FREM1: variants seen among roughly 807,000 people sequenced by gnomAD.
The protein encoded by FREM1 is FRAS1 related extracellular matrix 1.
Under a neutral mutation model 210.1 loss-of-function variants are expected in FREM1, and 220 were observed. The observed-to-expected ratio is 1.05, with a 90% CI of 0.94 to 1.17. The LOEUF (loss-of-function observed/expected upper bound fraction) is 1.17, where lower values mean the gene tolerates loss of function less well. Among genes scored for constraint, FREM1 ranks in the 50% most tolerant of loss-of-function variants. The pLI is 0.00. For missense variants in FREM1, 3,454 were observed against 2,675.5 expected (o/e 1.29, Z -6.42); for synonymous variants, 1,189 against 980.2 (o/e 1.21, Z -3.98).
chr9:14,757,621 A>G (rs1362379176), intron 28 of FREM1, among the ~76,000 whole-genome samples: 2 of 152,204 alleles, frequency 1.3e-5, no homozygotes, highest in Non-Finnish European at 2.9e-5. Flanking sequence ...ACCGTGTGCA[A>G]GCATTTCTGT....
At chr9:14,885,157 C>T (rs1564168920) in intron 1 of FREM1, among the ~76,000 whole-genome samples, 1 of 151,952 alleles carries the variant, frequency 6.6e-6, no homozygotes, top group East Asian at 1.9e-4. Flanking sequence ...ATCTCCTGAG[C>T]TCGTGATCCA....
At chr9:14,839,685 ATACTTGTGT>A (rs1013332177) in intron 10 of FREM1, among the ~76,000 whole-genome samples, 1 of 152,232 alleles carries the variant, frequency 6.6e-6, no homozygotes, top group Non-Finnish European at 1.5e-5. Flanking sequence ...TCTGACATCT[ATACTTGTGT>A]ATATGAAGAG....
At chr9:14,860,612 CACACATATATAT>C (rs956020164) in intron 3 of FREM1, among the ~76,000 whole-genome samples, 7 of 105,836 alleles carry the variant, frequency 6.6e-5, no homozygotes, top group Non-Finnish European at 1.3e-4. Flanking sequence ...CACATATATA[CACACATATATAT>C]ACACATATAT....
At chr9:14,889,171 T>A (rs1047609172) in intron 1 of FREM1, among the ~76,000 whole-genome samples, 1 of 152,224 alleles carries the variant, frequency 6.6e-6, no homozygotes, top group Non-Finnish European at 1.5e-5. Flanking sequence ...CTCTAGTTTA[T>A]GTCTTTTGAT....
intron 28 of FREM1, among the ~76,000 whole-genome samples, chr9:14,759,441 T>G (rs1845041329): frequency 1.3e-5 from 2 of 149,912 alleles, no homozygotes; most frequent in African/African-American, 2.5e-5. Context: ...ATCTGGGAGG[T>G]GGAGGTTGCT....
chr9:14,801,685 C>T lies in FREM1; in HGVS notation c.3661G>A (p.Val1221Ile), dbSNP rs370147643. ...AGGAGTTCCATGGAAAAGCTGTGAA[C>T]AGGTGCATGTTTCTGGTGAGGGTTG... ...PANPHQKHAP[V>I]HSFSMELLKT... Residue 1221 changes from valine to isoleucine, a missense_variant, in exon 20 of 37, where the codon GTT becomes ATT. By Grantham distance (29) the Val-to-Ile change is conservative. Coordinates refer to ENST00000380880, the MANE Select transcript of FREM1 (RefSeq NM_001379081.2). The T allele has an allele frequency of 3.1e-6, 5 of 1,613,778 alleles. No individual in the cohort carries two copies. The highest frequency in any genetic ancestry group is 4.2e-6 in the Non-Finnish European group (5 of 1,179,700).
rs1244721535 is a variant in FREM1, at chr9:14,828,640, G to GC, written c.1882-3649_1882-3648insG. ...TGGGAGAAGAACATAAATTGTGGCG[G>GC]GGCGGGGGAGGTGCCGGGGTAGAAT... On this transcript the variant is annotated intron_variant, in intron 10 of 36. Transcript: ENST00000380880. 2.3e-4 allele frequency among the ~76,000 whole-genome samples: 29 copies of GC among 127,328 alleles called. 1 individual carries two copies. The highest frequency in any genetic ancestry group is 7.6e-4 in the African/African-American group (28 of 36,880). The allele number at this position is 127,328 out of a possible 152,430, so 83.5% of individuals were successfully genotyped here.
chr9:14,801,258 A>G (rs1293346585), intron 20 of FREM1, among the ~76,000 whole-genome samples: 3 of 152,160 alleles, frequency 2.0e-5, no homozygotes, highest in East Asian at 1.9e-4. Context: ...TTCGTCTCCC[A>G]AAGTTTTGGG....
chr9:14,867,300 C>T (rs1414038737), intron 2 of FREM1, among the ~76,000 whole-genome samples: 1 of 152,110 alleles, frequency 6.6e-6, no homozygotes, highest in Non-Finnish European at 1.5e-5. Context: ...TTCCCTGACT[C>T]GTAAGTGCCA....
intron 25 of FREM1, among the ~76,000 whole-genome samples, chr9:14,772,843 G>T (rs779664819): frequency 1.3e-5 from 2 of 152,168 alleles, no homozygotes; most frequent in East Asian, 1.9e-4. Flanking sequence ...GATACTAAAT[G>T]AATAGTTGAA....
rs763212598 is a variant in FREM1, at chr9:14,812,950, C to G, written c.2755G>C (p.Val919Leu). The G allele has an allele frequency of 6.2e-7, 1 of 1,613,848 alleles. No individual in the cohort carries two copies. The highest frequency in any genetic ancestry group is 1.3e-5 in the African/African-American group (1 of 74,914). Residue 919 changes from valine (V) to leucine (L), a missense_variant, in exon 16 of 37, where the codon GTG (valine) becomes CTG (leucine). Physicochemically the swap from Val to Leu is conservative, Grantham distance 32. Coordinates refer to ENST00000380880, the MANE Select transcript of FREM1 (RefSeq NM_001379081.2). ...ITSEYIFATD[V>L]DSDNLKLMFV... Reference sequence around the variant, plus strand: ...ATCAACTTCAAGTTATCGCTGTCCACATCAGTAGCAAAAATGTATTCAGAG... The same window carrying G: ...ATCAACTTCAAGTTATCGCTGTCCAGATCAGTAGCAAAAATGTATTCAGAG...
intron 25 of FREM1, among the ~76,000 whole-genome samples, chr9:14,772,158 A>G (rs1051185510): frequency 1.3e-5 from 2 of 152,156 alleles, no homozygotes; most frequent in African/African-American, 4.8e-5. Context: ...GTGAAGAAAC[A>G]GATATTTTTA....
At chr9:14,786,663 T>C (rs1304589071) in intron 23 of FREM1, among the ~76,000 whole-genome samples, 1 of 152,184 alleles carries the variant, frequency 6.6e-6, no homozygotes, top group African/African-American at 2.4e-5. Context: ...TAAAGAATCC[T>C]CCATCCCAAA....
At chr9:14,860,551 A>ATGTG (rs1829638238) in intron 3 of FREM1, among the ~76,000 whole-genome samples, 3 of 120,110 alleles carry the variant, frequency 2.5e-5, no homozygotes, top group African/African-American at 1.1e-4. Context: ...ATACACATAT[A>ATGTG]TATACACACA....
At chr9:14,774,002 T>C in intron 25 of FREM1, 1 of 478,940 alleles carries the variant, frequency 2.1e-6, no homozygotes, top group Non-Finnish European at 4.1e-6. Context: ...GGAAAGTGAC[T>C]AAGATCAATT....
At chr9:14,876,003 CGCAAATGCT>C (rs1833647053) in intron 1 of FREM1, among the ~76,000 whole-genome samples, 1 of 152,168 alleles carries the variant, frequency 6.6e-6, no homozygotes. Flanking sequence ...TTTCGTGAAC[CGCAAATGCT>C]GCTGTCTGAT....
intron 8 of FREM1, 77 bp downstream of exon 8, chr9:14,845,880 ACAT>A: frequency 7.0e-7 from 1 of 1,426,558 alleles, no homozygotes; most frequent in Non-Finnish European, 9.7e-7. Flanking sequence ...AAGAGATGCT[ACAT>A]ATATCTGTTA....
chr9:14,874,956 G>C (rs1381850372), intron 1 of FREM1, among the ~76,000 whole-genome samples: 1 of 152,122 alleles, frequency 6.6e-6, no homozygotes, highest in Admixed American at 6.6e-5. Context: ...TGAAATTCTG[G>C]GTTGAAAATT....
chr9:14,779,737 G>A (rs535169415), intron 24 of FREM1, among the ~76,000 whole-genome samples: 5 of 152,300 alleles, frequency 3.3e-5, no homozygotes, highest in East Asian at 1.9e-4. Context: ...GTGAGGGCAC[G>A]CGGGCCACAG....
Sources: gnomAD v4.1 joint callset for allele counts (sites outside exome capture counted in the v4.1 genomes callset) on GRCh38, gnomAD v4.1.1 for gene constraint, MANE v1.5 for transcripts, NCBI Gene and HGNC (gene_info 2026-07-23, HGNC 2026-07-21) for gene names.